Variants in SUSD4 observed in about 807,000 individuals in gnomAD.
SUSD4 encodes sushi domain containing 4, also known as sushi domain-containing protein 4.
A neutral mutation model predicts 50.5 loss-of-function variants in SUSD4; 41 were observed. The observed-to-expected ratio is 0.81, with a 90% CI of 0.63 to 1.05. The LOEUF (loss-of-function observed/expected upper bound fraction) is 1.05. Among genes scored for constraint, SUSD4 ranks in the 50% least tolerant of loss-of-function variants. The probability of loss-of-function intolerance (pLI) is 0.00; values close to 1 mark genes in which losing one functional copy is unlikely to be tolerated. For synonymous variants in SUSD4, 257 were observed against 257.3 expected (o/e 1.00, Z 0.01); for missense variants, 580 against 634.7 (o/e 0.91, Z 0.93).
chr1:223,338,204 C>T (rs1667559391), intron 2 of SUSD4, among the ~76,000 whole-genome samples: 1 of 152,170 alleles, frequency 6.6e-6, no homozygotes, highest in South Asian at 2.1e-4. Flanking sequence ...TAAAGGCAGT[C>T]AGGCTTTTTT....
chr1:223,342,553 G>A (rs1326501480), intron 2 of SUSD4, among the ~76,000 whole-genome samples: 4 of 152,130 alleles, frequency 2.6e-5, no homozygotes, highest in Non-Finnish European at 5.9e-5. Flanking sequence ...CACAGGAAGA[G>A]ACATCAAATC....
At chr1:223,246,636 C>T (rs1413945727) in intron 5 of SUSD4, among the ~76,000 whole-genome samples, 2 of 152,062 alleles carry the variant, frequency 1.3e-5, no homozygotes, top group African/African-American at 2.4e-5. Flanking sequence ...GTAGGAGGGG[C>T]TGGAGGGAAG....
chr1:223,238,196 C>G (rs1164998410), intron 5 of SUSD4, among the ~76,000 whole-genome samples: 1 of 151,944 alleles, frequency 6.6e-6, no homozygotes, highest in Non-Finnish European at 1.5e-5. Flanking sequence ...GTGATGTCCA[C>G]TCTTTCATTT....
At chr1:223,328,544 C>T (rs1172574715) in intron 2 of SUSD4, among the ~76,000 whole-genome samples, 2 of 152,224 alleles carry the variant, frequency 1.3e-5, no homozygotes, top group East Asian at 1.9e-4. Context: ...TATTTTTCCA[C>T]CTGACTGCCC....
chr1:223,288,846 C>A (rs184505453), intron 3 of SUSD4, among the ~76,000 whole-genome samples: 2 of 152,270 alleles, frequency 1.3e-5, no homozygotes, highest in Non-Finnish European at 2.9e-5. Context: ...AACCGAAGTT[C>A]ATCACCACAC....
At chr1:223,287,187 T>C (rs1664201848) in intron 3 of SUSD4, among the ~76,000 whole-genome samples, 1 of 152,222 alleles carries the variant, frequency 6.6e-6, no homozygotes, top group African/African-American at 2.4e-5. Context: ...ACAATTCTCA[T>C]GCCTTGGCTT....
In SUSD4 at chr1:223,332,175, T is replaced by G. The variant is rs933826730; in HGVS notation, c.148+31103A>C. Among the ~76,000 whole-genome samples, 5 of 152,316 alleles carry G rather than the reference T, an allele frequency of 3.3e-5. No individual in the cohort carries two copies. Among genetic ancestry groups the G allele is most frequent in the Non-Finnish European group, 2.9e-5 (2 of 68,024 alleles). On this transcript the variant is annotated intron_variant, in intron 2 of 8. Transcript: ENST00000366878. This position sits in a 1 kb window ranked among gnomAD's most constrained non-coding sequence, Gnocchi z 4.0. ...AAGTGAAACAGCACTCAGGGTGGTG[T>G]GTCAGGAATGCTCTGTGTAGCCATA...
intron 3 of SUSD4, among the ~76,000 whole-genome samples, chr1:223,285,313 T>A (rs997984282): frequency 2.0e-5 from 3 of 152,080 alleles, no homozygotes; most frequent in Non-Finnish European, 4.4e-5. Flanking sequence ...TGACTGGGGA[T>A]GGGGCCAGGT....
intron 5 of SUSD4, among the ~76,000 whole-genome samples, chr1:223,255,091 T>G (rs1030907272): frequency 6.6e-6 from 1 of 152,196 alleles, no homozygotes; most frequent in Non-Finnish European, 1.5e-5. Flanking sequence ...GGGGATGGTA[T>G]GTACTAATGT....
chr1:223,260,603 G>A (rs1358642933), intron 5 of SUSD4, among the ~76,000 whole-genome samples: 1 of 152,180 alleles, frequency 6.6e-6, no homozygotes, highest in East Asian at 1.9e-4. Context: ...AGGGATGCAG[G>A]AAGCTCCTTC....
At chr1:223,243,690 C>T (rs1436201662) in intron 5 of SUSD4, among the ~76,000 whole-genome samples, 3 of 152,240 alleles carry the variant, frequency 2.0e-5, no homozygotes, top group African/African-American at 7.2e-5. Flanking sequence ...TCCAGGCCCC[C>T]ATCGGCACTG....
chr1:223,280,257 G>A (rs913653072), intron 3 of SUSD4, among the ~76,000 whole-genome samples: 2 of 152,160 alleles, frequency 1.3e-5, no homozygotes, highest in African/African-American at 4.8e-5. Flanking sequence ...ACATGTAAAT[G>A]GGCTAAATGC....
intron 5 of SUSD4, among the ~76,000 whole-genome samples, chr1:223,249,657 T>C (rs1661173753): frequency 6.6e-6 from 1 of 152,240 alleles, no homozygotes; most frequent in Non-Finnish European, 1.5e-5. Flanking sequence ...TAGTTAGTTC[T>C]ATAATAAGTT....
intron 5 of SUSD4, among the ~76,000 whole-genome samples, chr1:223,252,219 TAAAAAAA>T (rs68004270): frequency 6.2e-5 from 8 of 129,076 alleles, no homozygotes; most frequent in East Asian, 4.7e-4. Context: ...AAAGTATAAT[TAAAAAAA>T]AAAAAAAAAA....
chr1:223,304,548 T>G (rs1327443809), intron 2 of SUSD4, among the ~76,000 whole-genome samples: 2 of 151,838 alleles, frequency 1.3e-5, no homozygotes. Flanking sequence ...TAGTTTTATT[T>G]GTGCATACAG....
chr1:223,347,815 T>C, intron 2 of SUSD4, among the ~76,000 whole-genome samples: 1 of 91,522 alleles, frequency 1.1e-5, no homozygotes, highest in Non-Finnish European at 2.3e-5. Context: ...CACATAACCC[T>C]CAGGAGGTGG....
At chr1:223,280,294 A>C (rs932555508) in intron 3 of SUSD4, among the ~76,000 whole-genome samples, 1 of 152,130 alleles carries the variant, frequency 6.6e-6, no homozygotes, top group Non-Finnish European at 1.5e-5. Context: ...AGACTGGCAA[A>C]TTGGATAAAG....
intron 2 of SUSD4, among the ~76,000 whole-genome samples, chr1:223,312,379 ATCAC>A (rs897436135): frequency 1.3e-5 from 2 of 152,184 alleles, no homozygotes; most frequent in African/African-American, 4.8e-5. Context: ...TCTGTATCAA[ATCAC>A]TCACTCGGGC....
chr1:223,223,530 C>A lies in SUSD4; in HGVS notation c.1163G>T (p.Ser388Ile). Reference sequence around the variant, plus strand: ...GGCCATGTACCCGGGGCCTAAGGCACTCAAGCCGCCACTCACAGCTTCGTC... The same window carrying A: ...GGCCATGTACCCGGGGCCTAAGGCAATCAAGCCGCCACTCACAGCTTCGTC... The part of the protein sequence containing the change: ...SYDEAVSGGL[S>I]ALGPGYMASV... The change falls in exon 8 of 9, where the codon AGT becomes ATT. Residue 388 changes from serine (S) to isoleucine (I), a missense_variant. Ser to Ile is a moderately radical substitution (Grantham distance 142). Transcript: ENST00000366878. The A allele has an allele frequency of 6.2e-7, 1 of 1,612,210 alleles. No homozygotes were observed. Among genetic ancestry groups the A allele is most frequent in the South Asian group, 1.1e-5 (1 of 90,904 alleles).
Sources: gnomAD v4.1 joint callset for allele counts (sites outside exome capture counted in the v4.1 genomes callset) on GRCh38, gnomAD v4.1.1 for gene constraint, Gnocchi (gnomAD v3.1) non-coding constraint, MANE v1.5 for transcripts, NCBI Gene and HGNC (gene_info 2026-07-23, HGNC 2026-07-21) for gene names.